PIK3CB: variants seen among roughly 807,000 people sequenced by gnomAD.
PIK3CB encodes phosphatidylinositol 4,5-bisphosphate 3-kinase catalytic subunit beta isoform.
PIK3CB carries 39 observed loss-of-function variants against 136.8 expected under a neutral mutation model. That is an observed-to-expected ratio of 0.29 (90% CI 0.22 to 0.37). The LOEUF is 0.37. PIK3CB is among the 10% of genes least tolerant of loss of function. The probability of loss-of-function intolerance (pLI) is 1.00; values close to 1 mark genes in which losing one functional copy is unlikely to be tolerated. For missense variants in PIK3CB, 868 were observed against 1,275.4 expected, an observed-to-expected ratio of 0.68 and a Z score of 4.87; for synonymous variants, 428 against 436.6, an observed-to-expected ratio of 0.98 and a Z score of 0.25.
chr3:138,815,601 TAA>T (rs1576429587), intron 1 of PIK3CB, among the ~76,000 whole-genome samples: 1 of 152,126 alleles, frequency 6.6e-6, no homozygotes, highest in African/African-American at 2.4e-5. Context: ...TATTAAGTGA[TAA>T]GAGAAGACAT....
chr3:138,749,777 C>T (rs2045432228), intron 4 of PIK3CB, among the ~76,000 whole-genome samples: 1 of 152,208 alleles, frequency 6.6e-6, no homozygotes, highest in East Asian at 1.9e-4. Context: ...ATCCCTGATT[C>T]ACCTAATTGA....
At chr3:138,666,249 A>G (rs1216019701) in intron 19 of PIK3CB, among the ~76,000 whole-genome samples, 1 of 151,988 alleles carries the variant, frequency 6.6e-6, no homozygotes, top group Non-Finnish European at 1.5e-5. Flanking sequence ...AGCTCACCAT[A>G]GCGTCAAATC....
At chr3:138,741,781 T>C (rs1017797134) in intron 5 of PIK3CB, among the ~76,000 whole-genome samples, 2 of 151,664 alleles carry the variant, frequency 1.3e-5, no homozygotes, top group African/African-American at 2.4e-5. Flanking sequence ...GGAGCCAAGA[T>C]TGCGCCATCG....
chr3:138,683,012 A>G (rs2043811396), intron 18 of PIK3CB, among the ~76,000 whole-genome samples: 1 of 152,194 alleles, frequency 6.6e-6, no homozygotes, highest in Non-Finnish European at 1.5e-5. Context: ...CTATGGCAGC[A>G]AAATCAATAT....
At position 138,704,351 on chromosome 3, in the gene PIK3CB, G is replaced by A. The variant is rs1241623479; in HGVS notation, c.1581+92C>T. 5 of 866,644 alleles carry A rather than the reference G, an allele frequency of 5.8e-6. No individual in the cohort carries two copies. In the East Asian group the frequency reaches 7.3e-5, roughly 13 times the overall value. 53.7% of individuals were successfully genotyped at this position (866,644 alleles called of 1,614,324 possible). ...CAGACTGTTCTTGCATATGAGTTAC[G>A]GTCTTCTGTGAGTTCATTACTATGA... On this transcript the variant is annotated intron_variant, in intron 12 of 23. Transcript: ENST00000674063.
intron 2 of PIK3CB, among the ~76,000 whole-genome samples, chr3:138,794,161 A>G (rs1374592237): frequency 1.3e-5 from 2 of 152,076 alleles, no homozygotes; most frequent in African/African-American, 2.4e-5. Context: ...ATCAAGTTTC[A>G]TCATGTTGGC....
At chr3:138,708,743 G>A (rs910329240) in intron 10 of PIK3CB, among the ~76,000 whole-genome samples, 1 of 151,328 alleles carries the variant, frequency 6.6e-6, no homozygotes, top group African/African-American at 2.4e-5. Context: ...CACTGCACCT[G>A]GCTCAATTCT....
chr3:138,731,125 T>C (rs1476919132), intron 8 of PIK3CB, among the ~76,000 whole-genome samples: 1 of 152,198 alleles, frequency 6.6e-6, no homozygotes, highest in Non-Finnish European at 1.5e-5. Context: ...TTTAATTCCA[T>C]ATCATATGTT....
At chr3:138,749,907 T>G (rs1380400084) in intron 4 of PIK3CB, among the ~76,000 whole-genome samples, 1 of 152,204 alleles carries the variant, frequency 6.6e-6, no homozygotes, top group East Asian at 1.9e-4. Flanking sequence ...AGGGTCTCAC[T>G]CTGTCGCCCA....
At chr3:138,691,923 T>G (rs1046032386) in intron 14 of PIK3CB, among the ~76,000 whole-genome samples, 1 of 152,230 alleles carries the variant, frequency 6.6e-6, no homozygotes, top group Non-Finnish European at 1.5e-5. Flanking sequence ...TTATTTTCCT[T>G]TGCTGTTATT....
At chr3:138,693,501 T>C (rs2044054353) in intron 14 of PIK3CB, among the ~76,000 whole-genome samples, 1 of 151,986 alleles carries the variant, frequency 6.6e-6, no homozygotes, top group Admixed American at 6.6e-5. Context: ...TGGGTTCAAG[T>C]GATTCTTCTG....
chr3:138,666,123 A>G (rs1278859221), intron 19 of PIK3CB, among the ~76,000 whole-genome samples: 2 of 152,146 alleles, frequency 1.3e-5, no homozygotes, highest in African/African-American at 4.8e-5. Flanking sequence ...GTTTGCTTTG[A>G]TTTGCACTTA....
At position 138,654,126 on chromosome 3, in the gene PIK3CB, A is replaced by G. The variant is rs1232576204; in HGVS notation, c.*1263T>C. 2.0e-5 allele frequency: 4 copies of G among 203,122 alleles called. No homozygotes were observed. The highest frequency in any genetic ancestry group is 9.1e-5 in the African/African-American group (4 of 43,752). 12.6% of individuals were successfully genotyped at this position (203,122 alleles called of 1,614,324 possible). ...TAAAATTCCTATAGAAAGCTCAGTC[A>G]TAGGGCAAATACTCAGTTCTCTTTC... On this transcript the variant is annotated 3_prime_UTR_variant, in exon 24 of 24. Transcript: ENST00000674063.
At chr3:138,727,390 G>C (rs1282661973) in intron 8 of PIK3CB, among the ~76,000 whole-genome samples, 1 of 152,230 alleles carries the variant, frequency 6.6e-6, no homozygotes, top group East Asian at 1.9e-4. Context: ...CCTAGCAAAA[G>C]AGTCAAAGAA....
intron 13 of PIK3CB, among the ~76,000 whole-genome samples, chr3:138,695,931 ATTTTT>A (rs34470924): frequency 4.4e-5 from 4 of 90,812 alleles, no homozygotes; most frequent in Non-Finnish European, 6.0e-5. Flanking sequence ...AATTTTTTGT[ATTTTT>A]TTTTTTTTTT....
intron 14 of PIK3CB, among the ~76,000 whole-genome samples, chr3:138,692,369 G>A (rs1053526175): frequency 2.4e-4 from 36 of 152,196 alleles, no homozygotes; most frequent in African/African-American, 8.4e-4. Context: ...ACGGATCACT[G>A]CCATCTCCTC....
At chr3:138,799,616 A>G (rs2046149579) in intron 1 of PIK3CB, among the ~76,000 whole-genome samples, 1 of 152,012 alleles carries the variant, frequency 6.6e-6, no homozygotes, top group Admixed American at 6.6e-5. Flanking sequence ...ATTAAAAATG[A>G]CCTACCCTAT....
At chr3:138,825,615 G>T in intron 1 of PIK3CB, 1 of 618,298 alleles carries the variant, frequency 1.6e-6, no homozygotes, top group East Asian at 2.7e-5. Flanking sequence ...GCAATGCCAG[G>T]GGAACCATGC....
intron 2 of PIK3CB, among the ~76,000 whole-genome samples, chr3:138,770,708 C>CTTTTGT (rs1262162166): frequency 2.0e-5 from 3 of 151,920 alleles, no homozygotes; most frequent in African/African-American, 4.8e-5. Context: ...AACATTACTT[C>CTTTTGT]TTTTGTTTTT....
Sources: gnomAD v4.1 joint callset for allele counts (sites outside exome capture counted in the v4.1 genomes callset) on GRCh38, gnomAD v4.1.1 for gene constraint, MANE v1.5 for transcripts, NCBI Gene and HGNC (gene_info 2026-07-23, HGNC 2026-07-21) for gene names.